IQCH: variants seen among roughly 807,000 people sequenced by gnomAD.
IQCH encodes the protein IQ domain-containing protein H.
IQCH carries 98 observed loss-of-function variants against 117.0 expected under a neutral mutation model. That is an observed-to-expected ratio of 0.84 (90% CI 0.71 to 0.99). IQCH has a LOEUF of 0.99. Ranked by LOEUF, IQCH falls within the 50% of genes least tolerant of loss-of-function variation. IQCH has a pLI of 0.00. For synonymous variants in IQCH, 412 were observed against 448.2 expected (o/e 0.92, Z 1.02); for missense variants, 1,102 against 1,243.8 (o/e 0.89, Z 1.72).
At chr15:67,273,909 C>T (rs1966011795) in intron 3 of IQCH, among the ~76,000 whole-genome samples, 1 of 152,196 alleles carries the variant, frequency 6.6e-6, no homozygotes, top group South Asian at 2.1e-4. Context: ...TTTATCTTAG[C>T]ATATTTGAAG....
intron 10 of IQCH, among the ~76,000 whole-genome samples, chr15:67,382,815 GA>G (rs1375977551): frequency 6.6e-6 from 1 of 152,148 alleles, no homozygotes; most frequent in Non-Finnish European, 1.5e-5. Context: ...TATCATTGTA[GA>G]TTATATCCCA....
rs74648506 is a variant in IQCH, at chr15:67,327,411, A to G, written c.388-9564A>G. 6.9e-4 allele frequency among the ~76,000 whole-genome samples: 105 copies of G among 152,308 alleles called. 2 individuals carry two copies. In the East Asian group the frequency reaches 0.018, roughly 25 times the overall value. ...CCATGATTTGATGATACATTGCTGC[A>G]TAATAAATCACATCAAATCTTAAAA... On this transcript the variant is annotated intron_variant, in intron 4 of 20. Coordinates refer to ENST00000335894, the MANE Select transcript of IQCH (RefSeq NM_001031715.3).
chr15:67,287,224 G>A, intron 4 of IQCH, among the ~76,000 whole-genome samples: 1 of 152,086 alleles, frequency 6.6e-6, no homozygotes, highest in Non-Finnish European at 1.5e-5. Context: ...TTGGCCCATA[G>A]TTTTTTCTCT....
chr15:67,326,160 C>T (rs1458859425), intron 4 of IQCH, among the ~76,000 whole-genome samples: 1 of 152,108 alleles, frequency 6.6e-6, no homozygotes, highest in Non-Finnish European at 1.5e-5. Context: ...TGTTCCCCTT[C>T]CTGTGTCCAA....
chr15:67,307,110 C>A, intron 4 of IQCH: 1 of 1,165,524 alleles, frequency 8.6e-7, no homozygotes, highest in Admixed American at 4.5e-5. Context: ...ACTGTTATGA[C>A]CTAGAAAAAA....
At position 67,473,071 on chromosome 15, in the gene IQCH, T is replaced by C. The variant is rs2083112854; in HGVS notation, c.2677-2625T>C. Reference sequence around the variant, plus strand: ...CCTACCTCTCTTGCTGGCTGGGGTCTGGTCTTGGTTTTTCTTGTTTATATA... The same window carrying C: ...CCTACCTCTCTTGCTGGCTGGGGTCCGGTCTTGGTTTTTCTTGTTTATATA... On this transcript the variant is annotated intron_variant, in intron 17 of 20. Coordinates refer to ENST00000335894, the MANE Select transcript of IQCH (RefSeq NM_001031715.3). This position sits in a 1 kb window ranked among gnomAD's most constrained non-coding sequence, Gnocchi z 4.9. Among the ~76,000 whole-genome samples the C allele has an allele frequency of 1.3e-5, 2 of 152,236 alleles. No homozygotes were observed. The highest frequency in any genetic ancestry group is 4.1e-4 in the South Asian group (2 of 4,832).
chr15:67,336,973 A>G lies in IQCH; in HGVS notation c.388-2A>G, dbSNP rs749648063. 4 of 1,613,208 alleles carry G rather than the reference A, an allele frequency of 2.5e-6. No individual in the cohort carries two copies. The highest frequency in any genetic ancestry group is 3.4e-6 in the Non-Finnish European group (4 of 1,179,554). On this transcript the variant is annotated splice_acceptor_variant, in intron 4 of 20. Coordinates refer to ENST00000335894, the MANE Select transcript of IQCH (RefSeq NM_001031715.3). LOFTEE classifies it high-confidence loss of function. ...TGCTGAAACAAATTTTTTATTATCT[A>G]GATAAAGGTTTCGAAGTTAATCAAA...
At chr15:67,478,671 A>G (rs1382007154) in intron 18 of IQCH, among the ~76,000 whole-genome samples, 2 of 152,118 alleles carry the variant, frequency 1.3e-5, no homozygotes, top group African/African-American at 2.4e-5. Flanking sequence ...CATGCCTGTA[A>G]TCCCAGCACT....
At chr15:67,434,657 G>A (rs562607943) in intron 16 of IQCH, among the ~76,000 whole-genome samples, 1 of 152,168 alleles carries the variant, frequency 6.6e-6, no homozygotes, top group Non-Finnish European at 1.5e-5. Context: ...CTGTGTTTAA[G>A]TTTTTGAGGA....
Position 67,467,602 on chromosome 15 carries a change from G to C in IQCH, c.2676+2305G>C, listed in dbSNP as rs1056913885. Among the ~76,000 whole-genome samples, 4 of 152,164 alleles carry C rather than the reference G, an allele frequency of 2.6e-5. No individual in the cohort carries two copies. Among genetic ancestry groups the C allele is most frequent in the Non-Finnish European group, 5.9e-5 (4 of 68,036 alleles). ...TTCCCACCCTTGTGCCACTATGCTT[G>C]GGTTGTGCACACACCCTCCTGTGCA... On this transcript the variant is annotated intron_variant, in intron 17 of 20. Transcript: ENST00000335894. This position sits in a 1 kb window ranked among gnomAD's most constrained non-coding sequence, Gnocchi z 5.7.
chr15:67,414,008 G>A (rs1341313139), intron 14 of IQCH, among the ~76,000 whole-genome samples: 3 of 152,196 alleles, frequency 2.0e-5, no homozygotes, highest in Non-Finnish European at 4.4e-5. Context: ...CCCTCACATA[G>A]TATGTTGCAT....
In IQCH at chr15:67,402,867, C is replaced by T. The variant is rs148320224; in HGVS notation, c.2097+2562C>T. On this transcript the variant is annotated intron_variant, in intron 14 of 20. Transcript: ENST00000335894. ...TTAAAAACAGTGCTGTTTATGGGAG[C>T]TTGAACTCTTGAGATTCTCTTGCAT... Among the ~76,000 whole-genome samples the T allele has an allele frequency of 8.5e-4, 130 of 152,296 alleles. 6 individuals are homozygous for T. Among genetic ancestry groups the T allele is most frequent in the Middle Eastern group, 6.8e-3 (2 of 294 alleles).
chr15:67,453,396 G>T lies in IQCH; in HGVS notation c.2506-11731G>T, dbSNP rs557402222. Among the ~76,000 whole-genome samples, 1 of 152,242 alleles carries T rather than the reference G, an allele frequency of 6.6e-6. No homozygotes were observed. The highest frequency in any genetic ancestry group is 2.1e-4 in the South Asian group (1 of 4,816). On this transcript the variant is annotated intron_variant, in intron 16 of 20. Coordinates refer to ENST00000335894, the MANE Select transcript of IQCH (RefSeq NM_001031715.3). This position sits in a 1 kb window ranked among gnomAD's most constrained non-coding sequence, Gnocchi z 5.8. Reference sequence around the variant, plus strand: ...CTTTGATGATGGTGACGTACAGATGGGTTTTTGGTGTAGATGTCCTTTCTG... The same window carrying T: ...CTTTGATGATGGTGACGTACAGATGTGTTTTTGGTGTAGATGTCCTTTCTG...
Position 67,395,503 on chromosome 15 carries a change from C to T in IQCH, c.1845C>T (p.Val615=). Residue 615 remains valine, a synonymous_variant, in exon 13 of 21, where the codon GTC becomes GTT. Transcript: ENST00000335894. The surrounding 1 kb of genome is among the most constrained non-coding windows in gnomAD (Gnocchi z 4.0). ...LYSTKSGGKR[V]FDSANVAVPP... ...GTACCAAATCTGGAGGCAAACGTGT[C>T]TTTGACAGTGCCAATGTGGCAGTTC... 6.2e-7 allele frequency: 1 copy of T among 1,614,006 alleles called. No individual in the cohort carries two copies.
intron 4 of IQCH, chr15:67,281,744 C>T: frequency 2.2e-6 from 1 of 454,668 alleles, no homozygotes; most frequent in South Asian, 1.6e-5. Context: ...GGCCCTGTGG[C>T]AACTATTTCA....
At chr15:67,261,455 GA>G (rs1432211794) in intron 2 of IQCH, 61 bp downstream of exon 2, 4 of 1,416,752 alleles carry the variant, frequency 2.8e-6, no homozygotes, top group Non-Finnish European at 3.8e-6. Flanking sequence ...TAGAAGAAAG[GA>G]ATTGCAGTTC....
rs990456770 is a variant in IQCH at position 67,494,194 on chromosome 15, C to T, written c.2862-64C>T. ...CACCAGACAGGCACAAATGAGAGGG[C>T]GATTGTTTTTAAGCATGTGAAGGGA... is the stretch of plus-strand genomic sequence containing the variant. On this transcript the variant is annotated intron_variant, in intron 19 of 20. Transcript: ENST00000335894. The surrounding 1 kb of genome is among the most constrained non-coding windows in gnomAD (Gnocchi z 5.5). 24 of 1,133,744 alleles carry T rather than the reference C, an allele frequency of 2.1e-5. No individual in the cohort carries two copies. In the East Asian group the frequency reaches 2.7e-4, roughly 13 times the overall value. The allele number at this position is 1,133,744 out of a possible 1,614,324, so 70.2% of individuals were successfully genotyped here.
chr15:67,283,144 A>T (rs1966430611), intron 4 of IQCH, among the ~76,000 whole-genome samples: 1 of 152,224 alleles, frequency 6.6e-6, no homozygotes, highest in African/African-American at 2.4e-5. Flanking sequence ...CAAATTTATC[A>T]GTAATACATG....
Position 67,417,156 on chromosome 15 carries a change from G to T in IQCH, c.2218+105G>T. The T allele has an allele frequency of 1.0e-6, 1 of 993,784 alleles. No individual in the cohort carries two copies. Among genetic ancestry groups the T allele is most frequent in the Non-Finnish European group, 1.4e-6 (1 of 715,664 alleles). The allele number at this position is 993,784 out of a possible 1,614,324, so 61.6% of individuals were successfully genotyped here. A position where few individuals can be genotyped will look rare whatever the true frequency, so the allele number is the denominator to read the frequency against. On this transcript the variant is annotated intron_variant, in intron 15 of 20. Transcript: ENST00000335894. This position sits in a 1 kb window ranked among gnomAD's most constrained non-coding sequence, Gnocchi z 4.3. The stretch of plus-strand genomic sequence containing the variant: ...TTAAATACTTTGCATCTCCTGTGTT[G>T]GTTTAGAAAAGTGCTCCTACGGTTT...
Sources: gnomAD v4.1 joint callset for allele counts (sites outside exome capture counted in the v4.1 genomes callset) on GRCh38, gnomAD v4.1.1 for gene constraint, Gnocchi (gnomAD v3.1) non-coding constraint, MANE v1.5 for transcripts, NCBI Gene and HGNC (gene_info 2026-07-23, HGNC 2026-07-21) for gene names.